The following DLG1 variants were observed in gnomAD, a reference collection of about 807,000 sequenced individuals.
DLG1 encodes discs large MAGUK scaffold protein 1, also known as disks large homolog 1.
A neutral mutation model predicts 123.4 loss-of-function variants in DLG1; 42 were observed. The observed-to-expected ratio is 0.34, with a 90% confidence interval of 0.27 to 0.44. The LOEUF (loss-of-function observed/expected upper bound fraction) is 0.44, where lower values mean the gene tolerates loss of function less well. Ranked by LOEUF, DLG1 falls within the 20% of genes least tolerant of loss-of-function variation. The probability of loss-of-function intolerance (pLI) is 1.00; values close to 1 mark genes in which losing one functional copy is unlikely to be tolerated. For synonymous variants in DLG1, 317 were observed against 356.2 expected (o/e 0.89, Z 1.24); for missense variants, 942 against 1,082.6 (o/e 0.87, Z 1.82).
intron 23 of DLG1, among the ~76,000 whole-genome samples, chr3:197,053,953 G>A (rs767605147): frequency 2.0e-5 from 3 of 151,712 alleles, no homozygotes; most frequent in Non-Finnish European, 4.4e-5. Context: ...TTAGCCAGGC[G>A]TGGCGGTGCA....
intron 4 of DLG1, among the ~76,000 whole-genome samples, chr3:197,254,907 T>A (rs1756110102): frequency 6.6e-6 from 1 of 151,654 alleles, no homozygotes; most frequent in Non-Finnish European, 1.5e-5. Context: ...GAAAAAAAAA[T>A]TAGCCGGGCG....
At chr3:197,256,168 T>C (rs774654151) in intron 4 of DLG1, among the ~76,000 whole-genome samples, 8 of 152,260 alleles carry the variant, frequency 5.3e-5, no homozygotes, top group Non-Finnish European at 8.8e-5. Flanking sequence ...TCTTCTGCAC[T>C]AGATGAGAAG....
In DLG1 at chr3:197,085,583, C is replaced by G. The variant is rs1188424272; in HGVS notation, c.1835G>C (p.Arg612Pro). The stretch of plus-strand genomic sequence containing the variant: ...AAGTGGTAAGAAACAGGCATACCTG[C>G]GTTTACTGGGAATCACTCCGACCTC... ...SDEVGVIPSKRRVEKKERARL... is the reference protein window; with the variant it reads ...SDEVGVIPSKPRVEKKERARL... The change falls in exon 16 of 25, where the codon CGC becomes CCC. Residue 612 changes from arginine to proline, a missense_variant. Arg to Pro is a moderately radical substitution (Grantham distance 103). Coordinates refer to ENST00000667157, the MANE Select transcript of DLG1 (RefSeq NM_001366207.1). 1.2e-6 allele frequency: 2 copies of G among 1,613,854 alleles called. No individual in the cohort carries two copies. Among genetic ancestry groups the G allele is most frequent in the Admixed American group, 1.7e-5 (1 of 59,994 alleles).
chr3:197,241,484 C>T (rs1748822757), intron 4 of DLG1, among the ~76,000 whole-genome samples: 1 of 151,922 alleles, frequency 6.6e-6, no homozygotes, highest in Admixed American at 6.6e-5. Flanking sequence ...GGTGTAAAAC[C>T]CACTGGTAAA....
intron 5 of DLG1, among the ~76,000 whole-genome samples, chr3:197,182,016 G>A (rs1224229340): frequency 6.6e-6 from 1 of 152,032 alleles, no homozygotes; most frequent in Non-Finnish European, 1.5e-5. Context: ...CTTTATACAT[G>A]AACTACTTTT....
At chr3:197,101,553 T>A (rs992221187) in intron 14 of DLG1, among the ~76,000 whole-genome samples, 1 of 151,724 alleles carries the variant, frequency 6.6e-6, no homozygotes, top group Non-Finnish European at 1.5e-5. Context: ...GCCTGGCTAA[T>A]TTTGGTTTTG....
At chr3:197,080,322 A>G (rs1750205908) in intron 17 of DLG1, among the ~76,000 whole-genome samples, 1 of 111,284 alleles carries the variant, frequency 9.0e-6, no homozygotes, top group Admixed American at 1.4e-4. Flanking sequence ...TCTGTCACCC[A>G]GGCTGGAGAG....
chr3:197,278,813 C>T (rs1382966325), intron 4 of DLG1, among the ~76,000 whole-genome samples: 2 of 151,734 alleles, frequency 1.3e-5, no homozygotes, highest in Non-Finnish European at 2.9e-5. Context: ...ACAGTCAAGG[C>T]TTTGTGAAAA....
intron 18 of DLG1, 31 bp from the exon 19 acceptor site, chr3:197,069,291 AAC>A (rs760016118): frequency 1.9e-5 from 29 of 1,523,078 alleles, no homozygotes; most frequent in East Asian, 1.7e-4. Flanking sequence ...AAAAAAATAA[AAC>A]AGTGTCATGA....
At chr3:197,051,546 T>G in intron 24 of DLG1, 31 bp downstream of exon 24, 1 of 1,586,156 alleles carries the variant, frequency 6.3e-7, no homozygotes, top group Non-Finnish European at 8.7e-7. Flanking sequence ...AAATTCTATC[T>G]TAAAGAGGAC....
chr3:197,163,687 A>ATTTTTTTT (rs56865627), intron 5 of DLG1, among the ~76,000 whole-genome samples: 930 of 101,880 alleles, frequency 9.1e-3, no homozygotes, highest in South Asian at 0.012. Context: ...ATGCTCAGCT[A>ATTTTTTTT]TTTTTTTTTT....
intron 4 of DLG1, among the ~76,000 whole-genome samples, chr3:197,203,483 A>G (rs774605133): frequency 1.3e-3 from 196 of 152,290 alleles, no homozygotes; most frequent in Non-Finnish European, 2.6e-3. Context: ...AGTACACATC[A>G]TCAATTATAA....
intron 4 of DLG1, among the ~76,000 whole-genome samples, chr3:197,224,905 T>G (rs1189519034): frequency 6.6e-6 from 1 of 152,188 alleles, no homozygotes; most frequent in African/African-American, 2.4e-5. Context: ...TTCCCCCAAA[T>G]ACTACGTTAG....
intron 5 of DLG1, among the ~76,000 whole-genome samples, chr3:197,159,021 G>C (rs1797692808): frequency 6.6e-6 from 1 of 152,114 alleles, no homozygotes; most frequent in Non-Finnish European, 1.5e-5. Context: ...CTCCCAGTAA[G>C]AAGAACTAGT....
At chr3:197,111,298 T>C (rs978417480) in intron 13 of DLG1, among the ~76,000 whole-genome samples, 1 of 152,112 alleles carries the variant, frequency 6.6e-6, no homozygotes, top group African/African-American at 2.4e-5. Context: ...GTGAACTAGG[T>C]TGAGTTGGTT....
chr3:197,237,328 C>G (rs1746502091), intron 4 of DLG1, among the ~76,000 whole-genome samples: 1 of 152,148 alleles, frequency 6.6e-6, no homozygotes, highest in African/African-American at 2.4e-5. Flanking sequence ...CTCAGACTAT[C>G]CCAGGATTTC....
At chr3:197,225,709 T>G (rs568372473) in intron 4 of DLG1, 2 of 152,626 alleles carry the variant, frequency 1.3e-5, no homozygotes, top group East Asian at 3.8e-4. Context: ...CACAGACCAA[T>G]TCTTTACTCA....
intron 4 of DLG1, among the ~76,000 whole-genome samples, chr3:197,228,932 A>C (rs1453235767): frequency 6.6e-6 from 1 of 152,226 alleles, no homozygotes; most frequent in Non-Finnish European, 1.5e-5. Flanking sequence ...AGGCAAAAAA[A>C]TTGGTAGTAC....
At chr3:197,222,074 C>T (rs1304572863) in intron 4 of DLG1, among the ~76,000 whole-genome samples, 3 of 152,134 alleles carry the variant, frequency 2.0e-5, no homozygotes, top group Admixed American at 6.6e-5. Context: ...TGTCTGTATA[C>T]GTTCAGTACA....
Sources: allele counts gnomAD v4.1 joint callset (sites outside exome capture counted in the v4.1 genomes callset), GRCh38; gene constraint gnomAD v4.1.1; transcripts MANE v1.5; gene names NCBI Gene and HGNC (gene_info 2026-07-23, HGNC 2026-07-21).